The following TMEM178B variants were observed in gnomAD, a reference collection of about 807,000 sequenced individuals.
The protein encoded by TMEM178B is transmembrane protein 178B.
In TMEM178B, 5 loss-of-function variants were observed where a neutral mutation model predicts 31.0. That is an observed-to-expected ratio of 0.16 (90% CI 0.08 to 0.34). The LOEUF (loss-of-function observed/expected upper bound fraction) is 0.34, where lower values mean the gene tolerates loss of function less well. TMEM178B is among the 10% of genes least tolerant of loss of function. The probability of loss-of-function intolerance (pLI) is 1.00; values close to 1 mark genes in which losing one functional copy is unlikely to be tolerated. For synonymous variants in TMEM178B, 164 were observed against 164.0 expected (o/e 1.00, Z 0.00); for missense variants, 275 against 400.3 (o/e 0.69, Z 2.67).
intron 2 of TMEM178B, among the ~76,000 whole-genome samples, chr7:141,412,652 A>G (rs933055802): frequency 3.3e-5 from 5 of 152,360 alleles, no homozygotes; most frequent in African/African-American, 1.2e-4. Context: ...GAGGGAAGGA[A>G]AAGAAAATGG....
chr7:141,452,817 C>T (rs1368938832), intron 3 of TMEM178B, among the ~76,000 whole-genome samples: 1 of 152,212 alleles, frequency 6.6e-6, no homozygotes, highest in African/African-American at 2.4e-5. Context: ...TTACAGCATA[C>T]TGCTTTTCTA....
chr7:141,247,397 G>A (rs1414787227), intron 2 of TMEM178B, among the ~76,000 whole-genome samples: 1 of 151,874 alleles, frequency 6.6e-6, no homozygotes, highest in Non-Finnish European at 1.5e-5. Context: ...TTTTGCCTAC[G>A]GTTTTAGACT....
chr7:141,239,607 G>A lies in TMEM178B; in HGVS notation c.496+26903G>A, dbSNP rs1333347177. Among the ~76,000 whole-genome samples the A allele has an allele frequency of 6.6e-5, 10 of 152,270 alleles. No individual in the cohort carries two copies. The East Asian group carries it at 1.5e-3, about 24-fold the overall frequency. On this transcript the variant is annotated intron_variant, in intron 2 of 3. Coordinates refer to ENST00000565468, the MANE Select transcript of TMEM178B (RefSeq NM_001195278.2). ...GATGACTAGAAGATCCCATGCCTCC[G>A]CTCTGAAGTGGGATCTTGGTGGCAT...
chr7:141,308,304 G>A (rs2116453178), intron 2 of TMEM178B, among the ~76,000 whole-genome samples: 1 of 152,346 alleles, frequency 6.6e-6, no homozygotes, highest in Non-Finnish European at 1.5e-5. Context: ...CCAGTCTGCT[G>A]ACAGGTGGGG....
intron 2 of TMEM178B, among the ~76,000 whole-genome samples, chr7:141,337,617 A>G (rs1205594712): frequency 6.6e-6 from 1 of 152,158 alleles, no homozygotes; most frequent in Non-Finnish European, 1.5e-5. Context: ...GTGGTGATGA[A>G]GCCTCTGTTC....
chr7:141,252,037 G>A (rs147455230), intron 2 of TMEM178B, among the ~76,000 whole-genome samples: 12 of 152,290 alleles, frequency 7.9e-5, no homozygotes, highest in Admixed American at 6.5e-4. Context: ...CTATGTGTTA[G>A]TGTCCCTACC....
At chr7:141,339,950 T>A (rs1382713951) in intron 2 of TMEM178B, among the ~76,000 whole-genome samples, 1 of 152,264 alleles carries the variant, frequency 6.6e-6, no homozygotes. Context: ...AGGATCAAAT[T>A]AAAACATGAT....
intron 2 of TMEM178B, chr7:141,414,933 A>G (rs902316237): frequency 2.6e-5 from 4 of 152,208 alleles, no homozygotes; most frequent in African/African-American, 7.2e-5. Flanking sequence ...AGATAAGTGT[A>G]TCTTTCTGAG....
chr7:141,101,990 TG>T (rs1457560479), intron 1 of TMEM178B, among the ~76,000 whole-genome samples: 10 of 151,962 alleles, frequency 6.6e-5, no homozygotes, highest in African/African-American at 2.4e-4. Flanking sequence ...GAGTAGATTT[TG>T]TTTTTTTTCA....
intron 2 of TMEM178B, among the ~76,000 whole-genome samples, chr7:141,426,989 G>T (rs2116661796): frequency 6.6e-6 from 1 of 152,148 alleles, no homozygotes. Context: ...AAACACTTAG[G>T]AGTAAATTTA....
intron 2 of TMEM178B, among the ~76,000 whole-genome samples, chr7:141,389,376 GT>G (rs1264128887): frequency 1.3e-5 from 2 of 152,188 alleles, no homozygotes; most frequent in East Asian, 3.8e-4. Context: ...GGAGTGGTCT[GT>G]CTAGTAGATT....
rs1801639205 is a variant in TMEM178B at position 141,440,557 on chromosome 7, A to G, written c.634+2812A>G. Among the ~76,000 whole-genome samples the G allele has an allele frequency of 4.0e-5, 6 of 151,672 alleles. No individual in the cohort carries two copies. In the South Asian group the frequency reaches 1.3e-3, roughly 32 times the overall value. On this transcript the variant is annotated intron_variant, in intron 3 of 3. Transcript: ENST00000565468. ...TCCAACTTTTAAGGACTATTTCTCCATACTTTATGCTGCAAGAGACAGGGC... is the reference window on the plus strand; with the variant it reads ...TCCAACTTTTAAGGACTATTTCTCCGTACTTTATGCTGCAAGAGACAGGGC...
At chr7:141,487,722 T>C in the TMEM178B span, among the ~76,000 whole-genome samples, 1 of 122,746 alleles carries the variant, frequency 8.1e-6, no homozygotes, top group East Asian at 2.3e-4. Flanking sequence ...GCCTGGGTGA[T>C]TAGAGTAAGA....
intron 1 of TMEM178B, among the ~76,000 whole-genome samples, chr7:141,154,914 TG>T (rs1347002321): frequency 1.3e-5 from 2 of 152,146 alleles, no homozygotes; most frequent in East Asian, 3.9e-4. Flanking sequence ...TTAGTAGAGA[TG>T]GTGGGGATCT....
chr7:141,169,270 C>T (rs988617199), intron 1 of TMEM178B, among the ~76,000 whole-genome samples: 2 of 152,172 alleles, frequency 1.3e-5, no homozygotes, highest in Non-Finnish European at 2.9e-5. Flanking sequence ...CACTTAGCTC[C>T]TGCTTATAAG....
chr7:141,225,717 G>A (rs1797331295), intron 2 of TMEM178B, among the ~76,000 whole-genome samples: 1 of 152,092 alleles, frequency 6.6e-6, no homozygotes, highest in Non-Finnish European at 1.5e-5. Context: ...TTTTAGACTG[G>A]ATCCCCCAAA....
At chr7:141,164,481 G>T (rs1398241191) in intron 1 of TMEM178B, among the ~76,000 whole-genome samples, 11 of 152,284 alleles carry the variant, frequency 7.2e-5, no homozygotes, top group Admixed American at 3.3e-4. Flanking sequence ...TTCTGTGTTT[G>T]CTTTGTTGCC....
intron 2 of TMEM178B, among the ~76,000 whole-genome samples, chr7:141,219,673 C>T (rs560487410): frequency 6.6e-6 from 1 of 152,352 alleles, no homozygotes; most frequent in East Asian, 1.9e-4. Flanking sequence ...AGTATACCCA[C>T]TGCCTTGTGC....
At chr7:141,390,726 G>A (rs547509220) in intron 2 of TMEM178B, among the ~76,000 whole-genome samples, 24 of 152,314 alleles carry the variant, frequency 1.6e-4, no homozygotes, top group Admixed American at 2.6e-4. Flanking sequence ...ACGACCTTTA[G>A]CTCTCAATCC....
Sources: allele counts gnomAD v4.1 joint callset (sites outside exome capture counted in the v4.1 genomes callset), GRCh38; gene constraint gnomAD v4.1.1; transcripts MANE v1.5; gene names NCBI Gene and HGNC (gene_info 2026-07-23, HGNC 2026-07-21).